The following UHRF2 variants were observed in gnomAD, a reference collection of about 807,000 sequenced individuals.
UHRF2 encodes the protein E3 ubiquitin-protein ligase UHRF2.
Under a neutral mutation model 96.8 loss-of-function variants are expected in UHRF2, and 23 were observed. The observed-to-expected ratio is 0.24, with a 90% CI of 0.17 to 0.34. UHRF2 has a LOEUF of 0.34. Ranked by LOEUF, UHRF2 falls within the 10% of genes least tolerant of loss-of-function variation. UHRF2 has a pLI of 1.00. For synonymous variants in UHRF2, 385 were observed against 332.6 expected (o/e 1.16, Z -1.72); for missense variants, 685 against 981.5 (o/e 0.70, Z 4.04).
At chr9:6,504,424 A>G (rs1816475982) in intron 14 of UHRF2, 169 bp from the exon 15 acceptor site, 3 of 514,642 alleles carry the variant, frequency 5.8e-6, no homozygotes, top group Non-Finnish European at 1.0e-5. Flanking sequence ...TGTTCATATA[A>G]CATATAATAA....
At chr9:6,479,729 A>G (rs1823811165) in intron 6 of UHRF2, among the ~76,000 whole-genome samples, 1 of 152,188 alleles carries the variant, frequency 6.6e-6, no homozygotes, top group Non-Finnish European at 1.5e-5. Context: ...TCTTCATTAA[A>G]TAGTACTAAT....
intron 1 of UHRF2, 79 bp from the exon 2 acceptor site, chr9:6,420,833 G>A (rs1051161706): frequency 9.5e-6 from 11 of 1,159,452 alleles, no homozygotes; most frequent in African/African-American, 3.1e-5. Context: ...TTTAAGTTTG[G>A]CTAGGACATT....
At chr9:6,477,063 T>TC (rs1823617220) in intron 5 of UHRF2, among the ~76,000 whole-genome samples, 1 of 152,058 alleles carries the variant, frequency 6.6e-6, no homozygotes. Context: ...TGAAACCCTG[T>TC]CTCTACTAAA....
At chr9:6,423,548 A>G (rs1563742966) in intron 2 of UHRF2, among the ~76,000 whole-genome samples, 1 of 152,182 alleles carries the variant, frequency 6.6e-6, no homozygotes, top group African/African-American at 2.4e-5. Flanking sequence ...AAATGTTTCA[A>G]TATAATTCAT....
chr9:6,486,747 A>G (rs953174556), intron 8 of UHRF2, 74 bp from the exon 9 acceptor site: 2 of 1,431,730 alleles, frequency 1.4e-6, no homozygotes, highest in South Asian at 1.2e-5. Flanking sequence ...TACCAAGAAT[A>G]TATATGAAAG....
chr9:6,495,269 T>C (rs1253386864), intron 10 of UHRF2: 1 of 152,218 alleles, frequency 6.6e-6, no homozygotes, highest in Non-Finnish European at 1.5e-5. Context: ...TGACAAGCAG[T>C]AAACATGTTT....
chr9:6,500,738 A>G (rs941052340), intron 14 of UHRF2, 29 bp downstream of exon 14: 1 of 1,572,300 alleles, frequency 6.4e-7, no homozygotes, highest in African/African-American at 1.4e-5. Context: ...AAATAATAAC[A>G]TTCTGATATT....
intron 5 of UHRF2, among the ~76,000 whole-genome samples, chr9:6,477,419 G>A (rs754350931): frequency 6.6e-6 from 1 of 151,444 alleles, no homozygotes; most frequent in Non-Finnish European, 1.5e-5. Context: ...CCAGCTACTC[G>A]AGAAGCTGAG....
intron 4 of UHRF2, among the ~76,000 whole-genome samples, chr9:6,466,887 CAG>C (rs1429630699): frequency 2.0e-5 from 3 of 152,204 alleles, no homozygotes; most frequent in African/African-American, 7.2e-5. Flanking sequence ...AAAGTATCTT[CAG>C]AGTTACCTTT....
intron 4 of UHRF2, 109 bp downstream of exon 4, chr9:6,460,900 A>T: frequency 2.3e-6 from 2 of 864,810 alleles, no homozygotes; most frequent in East Asian, 2.9e-5. Flanking sequence ...TCTATAAAAG[A>T]TGGAAATTTC....
chr9:6,427,722 C>G (rs1327846313), intron 2 of UHRF2, among the ~76,000 whole-genome samples: 1 of 152,034 alleles, frequency 6.6e-6, no homozygotes, highest in Non-Finnish European at 1.5e-5. Flanking sequence ...ATTTATTGCT[C>G]AATATCATTA....
chr9:6,445,981 C>CTTTGTTTTTTTTTTTTTTTTTT lies in UHRF2; in HGVS notation c.644+11811_644+11812insGTTTTTTTTTTTTTTTTTTTTT, dbSNP rs751155835. On this transcript the variant is annotated intron_variant, in intron 3 of 15. Coordinates refer to ENST00000276893, the MANE Select transcript of UHRF2 (RefSeq NM_152896.3). Reference sequence around the variant, plus strand: ...TAAATACTCTTCCCCCCCCGCCACCCTTTTTTTTTTTTTTTTTTTCCTGTT... The same window carrying CTTTGTTTTTTTTTTTTTTTTTT: ...TAAATACTCTTCCCCCCCCGCCACCCTTTGTTTTTTTTTTTTTTTTTTTTTTTTTTTTTTTTTTTTTCCTGTT... 2.8e-4 allele frequency among the ~76,000 whole-genome samples: 22 copies of CTTTGTTTTTTTTTTTTTTTTTT among 78,906 alleles called. 2 individuals are homozygous for CTTTGTTTTTTTTTTTTTTTTTT. Among genetic ancestry groups the CTTTGTTTTTTTTTTTTTTTTTT allele is most frequent in the African/African-American group, 1.2e-3 (22 of 19,056 alleles). The allele number at this position is 78,906 out of a possible 152,430, so 51.8% of individuals were successfully genotyped here.
chr9:6,479,665 C>G (rs1823807090), intron 6 of UHRF2, among the ~76,000 whole-genome samples: 1 of 152,128 alleles, frequency 6.6e-6, no homozygotes, highest in African/African-American at 2.4e-5. Context: ...CAAAATTAGT[C>G]CAGATGGAGT....
At chr9:6,452,691 T>TA (rs1205610070) in intron 3 of UHRF2, among the ~76,000 whole-genome samples, 1 of 152,214 alleles carries the variant, frequency 6.6e-6, no homozygotes, top group African/African-American at 2.4e-5. Context: ...AGATAACTCT[T>TA]ACACTTCTAA....
intron 14 of UHRF2, among the ~76,000 whole-genome samples, chr9:6,502,723 A>G (rs957122262): frequency 2.0e-5 from 3 of 152,218 alleles, no homozygotes; most frequent in Admixed American, 2.0e-4. Flanking sequence ...CCTGTAACTC[A>G]AAATACCTGT....
intron 3 of UHRF2, among the ~76,000 whole-genome samples, chr9:6,452,624 A>G (rs1821940730): frequency 1.3e-5 from 2 of 152,226 alleles, no homozygotes; most frequent in South Asian, 4.1e-4. Context: ...ACAGTCATTA[A>G]CAGGTTATCG....
chr9:6,501,991 G>T (rs1411626370), intron 14 of UHRF2, among the ~76,000 whole-genome samples: 2 of 152,154 alleles, frequency 1.3e-5, no homozygotes, highest in African/African-American at 2.4e-5. Flanking sequence ...GACCTTCCTA[G>T]GTCATATTAT....
chr9:6,480,070 A>C (rs1317630240), intron 6 of UHRF2, among the ~76,000 whole-genome samples: 1 of 152,176 alleles, frequency 6.6e-6, no homozygotes, highest in African/African-American at 2.4e-5. Context: ...CCTGGTCCAT[A>C]TCTACTCTCT....
rs12345895 is a variant in UHRF2, at chr9:6,474,246, A to T, written c.864-1145A>T. On this transcript the variant is annotated intron_variant, in intron 4 of 15. Coordinates refer to ENST00000276893, the MANE Select transcript of UHRF2 (RefSeq NM_152896.3). ...TTTTTTGCATTTGTGTATATTTGAC[A>T]TTGAAAGTTTTTAAAGAAAAGGTGG... is the stretch of plus-strand genomic sequence containing the variant. 5.6e-3 allele frequency among the ~76,000 whole-genome samples: 855 copies of T among 152,344 alleles called. 5 individuals are homozygous for T. Among genetic ancestry groups the T allele is most frequent in the African/African-American group, 0.018 (767 of 41,564 alleles).
Sources: allele counts gnomAD v4.1 joint callset (sites outside exome capture counted in the v4.1 genomes callset), GRCh38; gene constraint gnomAD v4.1.1; transcripts MANE v1.5; gene names NCBI Gene and HGNC (gene_info 2026-07-23, HGNC 2026-07-21).